Variants in TNIK observed in about 807,000 individuals in gnomAD.
TNIK encodes TRAF2 and NCK interacting kinase.
In TNIK, 49 loss-of-function variants were observed where a neutral mutation model predicts 191.3. The ratio of observed to expected loss-of-function variants is 0.26; its 90% CI spans 0.20 to 0.32. TNIK has a LOEUF of 0.32. TNIK is among the 10% of genes least tolerant of loss of function. The probability of loss-of-function intolerance (pLI) is 1.00; values close to 1 mark genes in which losing one functional copy is unlikely to be tolerated. For synonymous variants in TNIK, 594 were observed against 600.9 expected (o/e 0.99, Z 0.17); for missense variants, 1,155 against 1,702.3 (o/e 0.68, Z 5.66).
intron 2 of TNIK, among the ~76,000 whole-genome samples, chr3:171,245,510 T>A (rs1745491598): frequency 6.6e-6 from 1 of 151,816 alleles, no homozygotes. Flanking sequence ...TGAAGGTGAT[T>A]AAAGGGCCAG....
intron 2 of TNIK, among the ~76,000 whole-genome samples, chr3:171,238,891 G>A (rs1744624681): frequency 6.6e-6 from 1 of 152,168 alleles, no homozygotes; most frequent in Non-Finnish European, 1.5e-5. Flanking sequence ...AAAAATGTAT[G>A]TTCTTTAAGA....
At chr3:171,342,855 G>C (rs753787502) in intron 2 of TNIK, among the ~76,000 whole-genome samples, 3 of 152,146 alleles carry the variant, frequency 2.0e-5, no homozygotes, top group Non-Finnish European at 4.4e-5. Context: ...GGAGGTAACT[G>C]AATCATGGGT....
chr3:171,247,535 G>A (rs566972121), intron 2 of TNIK, among the ~76,000 whole-genome samples: 2 of 152,282 alleles, frequency 1.3e-5, no homozygotes, highest in African/African-American at 2.4e-5. Context: ...CAAGGTTTTC[G>A]GGGGCCGGGT....
chr3:171,398,909 G>A (rs1410429473), intron 1 of TNIK, among the ~76,000 whole-genome samples: 3 of 152,126 alleles, frequency 2.0e-5, no homozygotes, highest in Non-Finnish European at 4.4e-5. Context: ...TGCAGCACAG[G>A]TGTTCTTGCC....
At chr3:171,072,474 A>G (rs1393362586) in intron 28 of TNIK, among the ~76,000 whole-genome samples, 2 of 152,170 alleles carry the variant, frequency 1.3e-5, no homozygotes, top group Non-Finnish European at 2.9e-5. Context: ...CAGAGCCAAC[A>G]TCATACTGAA....
At chr3:171,374,375 A>G (rs1716939157) in intron 1 of TNIK, among the ~76,000 whole-genome samples, 1 of 152,236 alleles carries the variant, frequency 6.6e-6, no homozygotes, top group Admixed American at 6.5e-5. Context: ...TGGCCAACAG[A>G]ATGTGCAGCA....
At position 171,093,784 on chromosome 3, in the gene TNIK, GTAAAAACC is replaced by G. The variant is rs3836456; in HGVS notation, c.2721+47_2721+54del. 2.0e-4 allele frequency: 316 copies of G among 1,600,102 alleles called. 1 individual carries two copies. In the East Asian group the frequency reaches 7.0e-3, roughly 36 times the overall value. On this transcript the variant is annotated intron_variant, in intron 23 of 32. Coordinates refer to ENST00000436636, the MANE Select transcript of TNIK (RefSeq NM_015028.4). ...AGGCATTCTCTGTGAAAGCTTTAAT[GTAAAAACC>G]ACTGAAGAAATGGCATTTCCTCTAC...
At chr3:171,318,928 G>A (rs778904071) in intron 2 of TNIK, among the ~76,000 whole-genome samples, 3 of 152,128 alleles carry the variant, frequency 2.0e-5, no homozygotes, top group Non-Finnish European at 4.4e-5. Context: ...GCTTTGAGAG[G>A]CTAAGGTGGG....
chr3:171,309,344 T>TA (rs1753781753), intron 2 of TNIK, among the ~76,000 whole-genome samples: 1 of 152,036 alleles, frequency 6.6e-6, no homozygotes, highest in Non-Finnish European at 1.5e-5. Flanking sequence ...AAGTGAGAGC[T>TA]AAACATTGAG....
chr3:171,376,528 G>T (rs949009404), intron 1 of TNIK, among the ~76,000 whole-genome samples: 3 of 152,108 alleles, frequency 2.0e-5, no homozygotes, highest in Non-Finnish European at 4.4e-5. Context: ...ATCTAAGGAA[G>T]GAAGCAGACA....
chr3:171,200,050 G>GT (rs1739221197), intron 4 of TNIK, among the ~76,000 whole-genome samples: 1 of 152,100 alleles, frequency 6.6e-6, no homozygotes, highest in Non-Finnish European at 1.5e-5. Context: ...ACATGTTTTT[G>GT]TTTTTGTTTT....
chr3:171,159,430 T>C lies in TNIK; in HGVS notation c.1017-1766A>G, dbSNP rs921639608. 6.6e-6 allele frequency among the ~76,000 whole-genome samples: 1 copy of C among 151,994 alleles called. No homozygotes were observed. Among genetic ancestry groups the C allele is most frequent in the African/African-American group, 2.4e-5 (1 of 41,354 alleles). On this transcript the variant is annotated intron_variant, in intron 11 of 32. Coordinates refer to ENST00000436636, the MANE Select transcript of TNIK (RefSeq NM_015028.4). The surrounding 1 kb of genome is among the most constrained non-coding windows in gnomAD (Gnocchi z 4.1). Reference sequence around the variant, plus strand: ...TAGTGTGCTGTGTGAGATACTGCCATGAAAAGACATAAAAAGGCTTTGTTC... The same window carrying C: ...TAGTGTGCTGTGTGAGATACTGCCACGAAAAGACATAAAAAGGCTTTGTTC...
intron 2 of TNIK, among the ~76,000 whole-genome samples, chr3:171,317,038 T>A (rs1369061029): frequency 6.8e-6 from 1 of 147,966 alleles, no homozygotes; most frequent in Non-Finnish European, 1.5e-5. Flanking sequence ...ATTATATATC[T>A]TTTATAATTA....
chr3:171,196,087 TAACA>T (rs930768044), intron 4 of TNIK, among the ~76,000 whole-genome samples: 12 of 151,952 alleles, frequency 7.9e-5, no homozygotes, highest in African/African-American at 2.7e-4. Flanking sequence ...TAGAAAAAAA[TAACA>T]AACTAACTAA....
intron 21 of TNIK, among the ~76,000 whole-genome samples, chr3:171,104,082 T>TAATTGAAAA (rs1560114739): frequency 4.5e-4 from 4 of 8,978 alleles, no homozygotes; most frequent in Admixed American, 2.3e-3. Context: ...TTAAAGGAAA[T>TAATTGAAAA]TTTCAATTAA....
chr3:171,157,474 G>T lies in TNIK; in HGVS notation c.1207C>A (p.Arg403=), dbSNP rs778327141. 6.4e-7 allele frequency: 1 copy of T among 1,566,480 alleles called. No homozygotes were observed. The highest frequency in any genetic ancestry group is 1.9e-5 in the Admixed American group (1 of 52,950). The change falls in exon 12 of 33, where the codon CGG becomes AGG. Residue 403 remains arginine, a synonymous_variant. Transcript: ENST00000436636. ...KRIEEQKEQR[R]RLEEQQRREK... ...CAGGTCCTCACCTCCTCCAGCCGCC[G>T]CCTCTGCTCTTTCTGCTCCTCGATG... is the stretch of plus-strand genomic sequence containing the variant.
At chr3:171,109,459 G>A (rs1725502387) in intron 19 of TNIK, among the ~76,000 whole-genome samples, 1 of 152,194 alleles carries the variant, frequency 6.6e-6, no homozygotes, top group South Asian at 2.1e-4. Context: ...CCAATCCAGA[G>A]ACGTGAACAT....
chr3:171,388,460 T>C (rs1005123281), intron 1 of TNIK, among the ~76,000 whole-genome samples: 1 of 152,208 alleles, frequency 6.6e-6, no homozygotes, highest in East Asian at 1.9e-4. Context: ...ATTGTAGAAA[T>C]CATTTCAGTT....
rs1421407123 is a variant in TNIK, at chr3:171,139,490, G to A, written c.1399C>T (p.His467Tyr). ...ATTACCAGAAGTAGAGCTTGTTCAT[G>A]CAGTAGCTGCTGCTGCAAGATCTCT... ...QLEILQQQLL[H>Y]EQALLLEYKR... Residue 467 changes from histidine (H) to tyrosine (Y), a missense_variant, in exon 14 of 33, where the codon CAT (histidine) becomes TAT (tyrosine). By Grantham distance (83) the His-to-Tyr change is moderately conservative (BLOSUM62 2). Coordinates refer to ENST00000436636, the MANE Select transcript of TNIK (RefSeq NM_015028.4). The A allele has an allele frequency of 1.2e-6, 2 of 1,613,178 alleles. No individual in the cohort carries two copies. The highest frequency in any genetic ancestry group is 1.7e-6 in the Non-Finnish European group (2 of 1,179,522).
Sources: allele counts gnomAD v4.1 joint callset (sites outside exome capture counted in the v4.1 genomes callset), GRCh38; gene constraint gnomAD v4.1.1; non-coding constraint Gnocchi (gnomAD v3.1); transcripts MANE v1.5; gene names NCBI Gene and HGNC (gene_info 2026-07-23, HGNC 2026-07-21).